Variants in DECR1 observed in about 807,000 individuals in gnomAD.
The protein encoded by DECR1 is 2,4-dienoyl-CoA reductase 1, also known as 2,4-dienoyl-CoA reductase [(3E)-enoyl-CoA-producing], mitochondrial.
Under a neutral mutation model 38.8 loss-of-function variants are expected in DECR1, and 44 were observed. The observed-to-expected ratio is 1.13, with a 90% confidence interval of 0.89 to 1.46. DECR1 has a LOEUF of 1.46. Ranked by LOEUF, DECR1 falls within the 40% of genes most tolerant of loss-of-function variation. The pLI, the probability that DECR1 is intolerant of heterozygous loss-of-function variation, is 0.00. For synonymous variants in DECR1, 148 were observed against 135.2 expected (o/e 1.09, Z -0.66); for missense variants, 428 against 405.5 (o/e 1.06, Z -0.48).
rs151088377 is a variant in DECR1 at position 90,011,575 on chromosome 8, C to T, written c.70-5549C>T. ...TCTTAACAAAATTAAGCTTTCCAGT[C>T]CATGAACATATAATGTCTTTTTGTT... On this transcript the variant is annotated intron_variant, in intron 1 of 9. Transcript: ENST00000220764. Among the ~76,000 whole-genome samples, 338 of 152,234 alleles carry T rather than the reference C, an allele frequency of 2.2e-3. 2 individuals carry two copies. Among genetic ancestry groups the T allele is most frequent in the African/African-American group, 7.0e-3 (291 of 41,564 alleles).
chr8:90,027,083 GAGAC>G (rs1813365656), intron 5 of DECR1, among the ~76,000 whole-genome samples: 1 of 152,208 alleles, frequency 6.6e-6, no homozygotes, highest in Admixed American at 6.5e-5. Flanking sequence ...TGTGGTCTGA[GAGAC>G]AGTTTGTTAT....
At chr8:90,048,221 C>G (rs1332412066) in intron 8 of DECR1, among the ~76,000 whole-genome samples, 1 of 151,958 alleles carries the variant, frequency 6.6e-6, no homozygotes, top group Non-Finnish European at 1.5e-5. Context: ...ACAAAAAACC[C>G]TTCAAAAAAT....
chr8:90,013,703 G>T (rs1342782516), intron 1 of DECR1, among the ~76,000 whole-genome samples: 1 of 151,920 alleles, frequency 6.6e-6, no homozygotes, highest in East Asian at 1.9e-4. Flanking sequence ...AAAACTTTGG[G>T]CTCAAGTTTT....
rs1814141665 is a variant in DECR1, at chr8:90,053,401, T to C, written c.*1504T>C. ...CCATTTATAAAACCATCAGATCTCG[T>C]GAGACTTATTCACTATCACACTATT... On this transcript the variant is annotated 3_prime_UTR_variant, in exon 10 of 10. Transcript: ENST00000220764. Among the ~76,000 whole-genome samples the C allele has an allele frequency of 2.0e-5, 3 of 152,176 alleles. No homozygotes were observed. The highest frequency in any genetic ancestry group is 2.9e-5 in the Non-Finnish European group (2 of 68,030).
intron 8 of DECR1, 103 bp downstream of exon 8, chr8:90,045,098 T>C (rs1199921343): frequency 9.9e-7 from 1 of 1,009,124 alleles, no homozygotes; most frequent in African/African-American, 1.6e-5. Context: ...TAAATATCAT[T>C]TAAAATATGT....
chr8:90,019,210 TTGA>T, intron 4 of DECR1, 38 bp downstream of exon 4: 1 of 1,518,986 alleles, frequency 6.6e-7, no homozygotes, highest in Non-Finnish European at 9.1e-7. Context: ...TGCAAGACAC[TTGA>T]TGTTGATAAC....
Position 90,051,727 on chromosome 8 carries a change from C to T in DECR1, c.936C>T (p.Asn312=), listed in dbSNP as rs377574337. Reference sequence around the variant, plus strand: ...AAGTACTTATTTCAGGGGAATTCAACGACCTGAGAAAGGTAATGCTTTTGT... The same window carrying T: ...AAGTACTTATTTCAGGGGAATTCAATGACCTGAGAAAGGTAATGCTTTTGT... ...GEEVLISGEF[N]DLRKVTKEQW... Residue 312 remains asparagine (N), a synonymous_variant, in exon 9 of 10, where the codon AAC becomes AAT. Transcript: ENST00000220764. The T allele has an allele frequency of 2.2e-5, 35 of 1,613,128 alleles. No individual in the cohort carries two copies. The highest frequency in any genetic ancestry group is 2.0e-4 in the African/African-American group (15 of 74,992).
chr8:90,032,117 T>TC (rs1332352453), intron 5 of DECR1, among the ~76,000 whole-genome samples: 1 of 151,948 alleles, frequency 6.6e-6, no homozygotes, highest in African/African-American at 2.4e-5. Context: ...TATCAGGGAG[T>TC]CACCCAGCAG....
chr8:90,051,771 G>A, intron 9 of DECR1, 32 bp downstream of exon 9: 2 of 1,611,706 alleles, frequency 1.2e-6, no homozygotes, highest in Non-Finnish European at 1.7e-6. Flanking sequence ...TGTAATATCA[G>A]CAGCTAGGAT....
chr8:90,042,674 C>G, intron 6 of DECR1, 54 bp from the exon 7 acceptor site: 1 of 1,481,586 alleles, frequency 6.7e-7, no homozygotes, highest in African/African-American at 1.4e-5. Flanking sequence ...TTATTACTGT[C>G]TTTAACATAT....
rs59997735 is a variant in DECR1, at chr8:90,003,851, A to G, written c.69+2290A>G. ...CTACTTGGGAGGCTGAGGCAGGAGAATCGCTTTAACCTGGGAGGCAGAGGT... is the reference window on the plus strand; with the variant it reads ...CTACTTGGGAGGCTGAGGCAGGAGAGTCGCTTTAACCTGGGAGGCAGAGGT... On this transcript the variant is annotated intron_variant, in intron 1 of 9. Coordinates refer to ENST00000220764, the MANE Select transcript of DECR1 (RefSeq NM_001359.2). Among the ~76,000 whole-genome samples the G allele has an allele frequency of 4.8e-4, 73 of 151,864 alleles. No homozygotes were observed. The East Asian group carries it at 0.013, about 26-fold the overall frequency.
chr8:90,027,174 G>C (rs1470197856), intron 5 of DECR1, among the ~76,000 whole-genome samples: 1 of 152,168 alleles, frequency 6.6e-6, no homozygotes, highest in Non-Finnish European at 1.5e-5. Context: ...AGTGAGATGT[G>C]GTACTGAGAA....
Position 90,017,340 on chromosome 8 carries a change from A to AT in DECR1, c.272+15dup. 6.2e-7 allele frequency: 1 copy of AT among 1,607,398 alleles called. No homozygotes were observed. Among genetic ancestry groups the AT allele is most frequent in the Admixed American group, 1.7e-5 (1 of 58,992 alleles). ...GATAGCCAGCCGGTAAGTCCCTTACATCAAGCCTATTGGCGACGCTTTTGA... is the reference window on the plus strand; with the variant it reads ...GATAGCCAGCCGGTAAGTCCCTTACATTCAAGCCTATTGGCGACGCTTTTGA... On this transcript the variant is annotated intron_variant, in intron 2 of 9. Coordinates refer to ENST00000220764, the MANE Select transcript of DECR1 (RefSeq NM_001359.2).
chr8:90,028,736 T>G (rs1813417549), intron 5 of DECR1, among the ~76,000 whole-genome samples: 1 of 151,984 alleles, frequency 6.6e-6, no homozygotes, highest in South Asian at 2.1e-4. Context: ...TTTTTTTCCC[T>G]TATAAAAATC....
At chr8:90,023,202 G>A (rs964319447) in intron 5 of DECR1, among the ~76,000 whole-genome samples, 2 of 152,130 alleles carry the variant, frequency 1.3e-5, no homozygotes, top group African/African-American at 4.8e-5. Context: ...TTTTGCATGG[G>A]CATTGTACAT....
intron 6 of DECR1, 93 bp from the exon 7 acceptor site, chr8:90,042,635 G>C (rs553537954): frequency 2.9e-6 from 3 of 1,032,310 alleles, no homozygotes; most frequent in Non-Finnish European, 4.6e-6. Context: ...GTAATCTCTG[G>C]CATGTAGTAA....
At position 90,020,837 on chromosome 8, in the gene DECR1, GA is replaced by G. The variant is rs991566389; in HGVS notation, c.418-64del. On this transcript the variant is annotated intron_variant, in intron 4 of 9. Transcript: ENST00000220764. The stretch of plus-strand genomic sequence containing the variant: ...GTATTATTTCTATTAATACATTTCA[GA>G]AAAAAAACCCTGCAGGGAAAATGTT... 13 of 1,290,836 alleles carry G rather than the reference GA, an allele frequency of 1.0e-5. No individual in the cohort carries two copies. In the East Asian group the frequency reaches 1.1e-4, roughly 11 times the overall value. 80.0% of individuals were successfully genotyped at this position (1,290,836 alleles called of 1,614,324 possible).
rs1812611568 is a variant in DECR1 at position 90,001,567 on chromosome 8, GC to G, written c.69+7del. The G allele has an allele frequency of 3.1e-6, 5 of 1,610,874 alleles. No individual in the cohort carries two copies. Among genetic ancestry groups the G allele is most frequent in the Admixed American group, 1.7e-5 (1 of 59,808 alleles). On this transcript the variant is annotated splice_region_variant and intron_variant, in intron 1 of 9. Transcript: ENST00000220764. ...GTGGCCTCGCTCCTCGGAGGGTAAG[GC>G]GGCCGGGGGCGCGGGGAGCGAGGAC... is the stretch of plus-strand genomic sequence containing the variant.
At chr8:90,007,754 C>T (rs145847759) in intron 1 of DECR1, among the ~76,000 whole-genome samples, 169 of 152,332 alleles carry the variant, frequency 1.1e-3, no homozygotes, top group African/African-American at 3.7e-3. Context: ...GAGTTTCTTA[C>T]AGCCCATGGT....
Sources: gnomAD v4.1 joint callset for allele counts (sites outside exome capture counted in the v4.1 genomes callset) on GRCh38, gnomAD v4.1.1 for gene constraint, MANE v1.5 for transcripts, NCBI Gene and HGNC (gene_info 2026-07-23, HGNC 2026-07-21) for gene names.